CDYL: variants seen among roughly 807,000 people sequenced by gnomAD.
The protein encoded by CDYL is chromodomain Y like, also known as chromodomain Y-like protein.
Under a neutral mutation model 47.3 loss-of-function variants are expected in CDYL, and 8 were observed. The observed-to-expected ratio is 0.17, with a 90% CI of 0.10 to 0.31. The LOEUF is 0.31. Among genes scored for constraint, CDYL ranks in the 10% least tolerant of loss-of-function variants. CDYL has a pLI of 1.00. For missense variants in CDYL, 471 were observed against 701.4 expected (o/e 0.67, Z 3.71); for synonymous variants, 266 against 265.0 (o/e 1.00, Z -0.04).
chr6:4,810,710 C>T (rs1001569589), intron 1 of CDYL, among the ~76,000 whole-genome samples: 1 of 152,140 alleles, frequency 6.6e-6, no homozygotes, highest in Non-Finnish European at 1.5e-5. Flanking sequence ...AGGCACCCAG[C>T]AGATTGGTGC....
chr6:4,816,982 A>G (rs78976372), intron 1 of CDYL, among the ~76,000 whole-genome samples: 13 of 152,312 alleles, frequency 8.5e-5, no homozygotes, highest in African/African-American at 2.9e-4. Context: ...CCTTGAACAC[A>G]GTTAACAGTG....
chr6:4,737,152 G>A (rs988092579), intron 3 of CDYL, among the ~76,000 whole-genome samples: 11 of 152,094 alleles, frequency 7.2e-5, no homozygotes, highest in Non-Finnish European at 1.5e-4. Context: ...TTTATATGAT[G>A]AAAAACAAGT....
intron 2 of CDYL, among the ~76,000 whole-genome samples, chr6:4,909,736 AT>A (rs879622297): frequency 1.9e-3 from 267 of 141,850 alleles, no homozygotes; most frequent in Non-Finnish European, 1.8e-3. Context: ...ACGCCTGGCT[AT>A]TTTTTTTTTT....
chr6:4,799,713 C>T (rs1464459139), intron 1 of CDYL, among the ~76,000 whole-genome samples: 2 of 152,172 alleles, frequency 1.3e-5, no homozygotes, highest in African/African-American at 2.4e-5. Flanking sequence ...GCTGAGATTA[C>T]AGAGCATGAG....
intron 2 of CDYL, among the ~76,000 whole-genome samples, chr6:4,903,812 G>A (rs2127495774): frequency 6.6e-6 from 1 of 152,320 alleles, no homozygotes; most frequent in South Asian, 2.1e-4. Context: ...AGGTTTTGAG[G>A]CATCTTTTTA....
chr6:4,901,879 C>G (rs1361742103), intron 2 of CDYL, among the ~76,000 whole-genome samples: 5 of 152,156 alleles, frequency 3.3e-5, no homozygotes, highest in East Asian at 1.9e-4. Context: ...TACCCCACCC[C>G]ACCCCCAGCC....
chr6:4,895,131 A>G (rs578111223), intron 2 of CDYL, among the ~76,000 whole-genome samples: 20 of 56,598 alleles, frequency 3.5e-4, no homozygotes, highest in Non-Finnish European at 8.1e-4. Flanking sequence ...ATATATGTGC[A>G]TGTGTGTATA....
At chr6:4,774,496 A>C (rs1333430984), upstream of CDYL, 1 of 152,268 alleles carries the variant, frequency 6.6e-6, no homozygotes. Flanking sequence ...TGGCTGGGCC[A>C]TCAGGGAAAG....
chr6:4,926,306 G>A (rs892770551), intron 2 of CDYL, among the ~76,000 whole-genome samples: 4 of 152,096 alleles, frequency 2.6e-5, no homozygotes, highest in Admixed American at 1.3e-4. Flanking sequence ...ATAGGATTAC[G>A]TTCAATATAT....
At chr6:4,831,112 T>C (rs1187926387) in intron 1 of CDYL, among the ~76,000 whole-genome samples, 1 of 152,188 alleles carries the variant, frequency 6.6e-6, no homozygotes, top group East Asian at 1.9e-4. Flanking sequence ...CCTTTGGGTA[T>C]ATCCCCAGTA....
At chr6:4,811,163 TAAG>T (rs1223543600) in intron 1 of CDYL, among the ~76,000 whole-genome samples, 1 of 152,172 alleles carries the variant, frequency 6.6e-6, no homozygotes, top group Non-Finnish European at 1.5e-5. Context: ...CTTTAGTAGT[TAAG>T]AAGGATTTCC....
chr6:4,768,020 C>G (rs1157564679), intron 3 of CDYL, among the ~76,000 whole-genome samples: 2 of 152,186 alleles, frequency 1.3e-5, no homozygotes, highest in African/African-American at 4.8e-5. Flanking sequence ...CATGAGCTAC[C>G]AGATTTGCCT....
At chr6:4,891,676 G>A in intron 1 of CDYL, 37 bp from the exon 2 acceptor site, 1 of 1,527,148 alleles carries the variant, frequency 6.5e-7, no homozygotes. Context: ...CCCAAATTTT[G>A]ATTTTTTTAA....
chr6:4,849,216 A>T (rs1020795944), intron 1 of CDYL, among the ~76,000 whole-genome samples: 1 of 152,194 alleles, frequency 6.6e-6, no homozygotes, highest in Non-Finnish European at 1.5e-5. Context: ...TAAAACCAAC[A>T]TGTATAAAGC....
At chr6:4,744,401 A>G (rs961197755) in intron 3 of CDYL, among the ~76,000 whole-genome samples, 1 of 152,122 alleles carries the variant, frequency 6.6e-6, no homozygotes, top group African/African-American at 2.4e-5. Context: ...AGGCTGAGGC[A>G]GGAGGATTGC....
At chr6:4,877,230 T>A (rs1050794689) in intron 1 of CDYL, among the ~76,000 whole-genome samples, 20 of 152,266 alleles carry the variant, frequency 1.3e-4, no homozygotes, top group African/African-American at 4.8e-4. Flanking sequence ...TCTCCCCATC[T>A]ATGGCTTGTT....
At chr6:4,829,410 A>G (rs775430017) in intron 1 of CDYL, among the ~76,000 whole-genome samples, 2 of 152,232 alleles carry the variant, frequency 1.3e-5, no homozygotes, top group African/African-American at 2.4e-5. Context: ...CAAACAAAAC[A>G]AAACAAAACA....
chr6:4,921,360 G>A (rs1757711543), intron 2 of CDYL, among the ~76,000 whole-genome samples: 1 of 152,216 alleles, frequency 6.6e-6, no homozygotes, highest in African/African-American at 2.4e-5. Context: ...CAGTCCACTT[G>A]CCCTTCCCGT....
chr6:4,921,616 G>A (rs1171011870), intron 2 of CDYL, among the ~76,000 whole-genome samples: 1 of 152,076 alleles, frequency 6.6e-6, no homozygotes, highest in East Asian at 1.9e-4. Context: ...CCTTTCCAAT[G>A]CCTCCACCTT....
Sources: gnomAD v4.1 joint callset for allele counts (sites outside exome capture counted in the v4.1 genomes callset) on GRCh38, gnomAD v4.1.1 for gene constraint, MANE v1.5 for transcripts, NCBI Gene and HGNC (gene_info 2026-07-23, HGNC 2026-07-21) for gene names.